The following PIKFYVE variants were observed in gnomAD, a reference collection of about 807,000 sequenced individuals.
PIKFYVE encodes the protein 1-phosphatidylinositol 3-phosphate 5-kinase.
PIKFYVE carries 122 observed loss-of-function variants against 257.9 expected under a neutral mutation model. That is an observed-to-expected ratio of 0.47 (90% confidence interval 0.41 to 0.55). The LOEUF is 0.55. PIKFYVE is among the 20% of genes least tolerant of loss of function. The pLI is 0.00. For synonymous variants in PIKFYVE, 892 were observed against 868.9 expected (o/e 1.03, Z -0.47); for missense variants, 2,160 against 2,536.6 (o/e 0.85, Z 3.19).
intron 7 of PIKFYVE, among the ~76,000 whole-genome samples, chr2:208,296,148 G>A (rs1393269333): frequency 1.3e-5 from 2 of 152,034 alleles, no homozygotes; most frequent in South Asian, 2.1e-4. Flanking sequence ...GGGATTACAG[G>A]CACCTGCTAG....
At chr2:208,324,769 A>G (rs1238558617) in intron 18 of PIKFYVE, 142 bp from the exon 19 acceptor site, 4 of 1,012,178 alleles carry the variant, frequency 4.0e-6, no homozygotes, top group Non-Finnish European at 5.8e-6. Context: ...AAGAATCCAG[A>G]ATAAAAAAAT....
At chr2:208,347,088 C>T (rs905246426) in intron 34 of PIKFYVE, among the ~76,000 whole-genome samples, 1 of 152,032 alleles carries the variant, frequency 6.6e-6, no homozygotes. Context: ...AGTTACACAC[C>T]CCACCCCGCT....
At chr2:208,282,085 A>T (rs747751095) in intron 5 of PIKFYVE, among the ~76,000 whole-genome samples, 115 of 152,308 alleles carry the variant, frequency 7.6e-4, no homozygotes, top group Non-Finnish European at 1.2e-3. Context: ...TGTTAGCTTG[A>T]CAAAACCATT....
At chr2:208,289,578 C>G (rs534573400) in intron 7 of PIKFYVE, among the ~76,000 whole-genome samples, 1 of 152,182 alleles carries the variant, frequency 6.6e-6, no homozygotes, top group Admixed American at 6.5e-5. Context: ...TACAGGCGCC[C>G]ATCACCATGC....
intron 27 of PIKFYVE, 31 bp from the exon 28 acceptor site, chr2:208,336,807 A>G: frequency 7.0e-7 from 1 of 1,429,822 alleles, no homozygotes; most frequent in Non-Finnish European, 9.9e-7. Context: ...AACAAACCAT[A>G]TATATATATA....
At chr2:208,348,732 C>G (rs763934912) in intron 35 of PIKFYVE, among the ~76,000 whole-genome samples, 1 of 151,142 alleles carries the variant, frequency 6.6e-6, no homozygotes, top group Non-Finnish European at 1.5e-5. Context: ...GGAAACAGAC[C>G]CATTCATTTA....
At chr2:208,302,538 T>C in intron 10 of PIKFYVE, 185 bp downstream of exon 10, 1 of 593,868 alleles carries the variant, frequency 1.7e-6, no homozygotes, top group Non-Finnish European at 3.0e-6. Flanking sequence ...GCCATTAGAA[T>C]CAAACATTTT....
At position 208,288,520 on chromosome 2, in the gene PIKFYVE, C is replaced by T. The variant is rs149203405; in HGVS notation, c.822-209C>T. On this transcript the variant is annotated intron_variant, in intron 6 of 41. Transcript: ENST00000264380. Reference sequence around the variant, plus strand: ...ATACTTAAAAACTTTTTAAAATTGTCATTTCGGCATTTTATATTCTTAAAA... The same window carrying T: ...ATACTTAAAAACTTTTTAAAATTGTTATTTCGGCATTTTATATTCTTAAAA... 5.3e-5 allele frequency among the ~76,000 whole-genome samples: 8 copies of T among 152,272 alleles called. No individual in the cohort carries two copies. In the East Asian group the frequency reaches 1.5e-3, roughly 29 times the overall value.
At position 208,353,977 on chromosome 2, in the gene PIKFYVE, T is replaced by C; in HGVS notation, c.5924T>C (p.Leu1975Pro). The change falls in exon 40 of 42, where the codon CTA (leucine) becomes CCA (proline). Residue 1975 changes from leucine to proline, a missense_variant. Leu to Pro is a moderately conservative substitution (Grantham distance 98, BLOSUM62 -3). Around this residue, in one of 12 missense-constraint regions of PIKFYVE, gnomAD observed 699 missense variants for 855.8 expected, o/e 0.82. Transcript: ENST00000264380. The part of the protein sequence containing the change: ...TGKESCDVVL[L>P]DENLLKMVRD... Reference sequence around the variant, plus strand: ...AAAGAGAGTTGTGATGTGGTCCTGCTAGATGAAAATCTCCTAAAGATGGTT... The same window carrying C: ...AAAGAGAGTTGTGATGTGGTCCTGCCAGATGAAAATCTCCTAAAGATGGTT... 1 of 1,614,118 alleles carries C rather than the reference T, an allele frequency of 6.2e-7. No individual in the cohort carries two copies. The highest frequency in any genetic ancestry group is 8.5e-7 in the Non-Finnish European group (1 of 1,179,970).
At chr2:208,298,591 A>G in intron 7 of PIKFYVE, 50 bp from the exon 8 acceptor site, 4 of 1,602,144 alleles carry the variant, frequency 2.5e-6, no homozygotes, top group Non-Finnish European at 3.4e-6. Flanking sequence ...AATTCTGTTT[A>G]TTGAAGAAGA....
At chr2:208,348,113 T>C in intron 35 of PIKFYVE, 90 bp downstream of exon 35, 1 of 1,499,920 alleles carries the variant, frequency 6.7e-7, no homozygotes, top group Non-Finnish European at 9.2e-7. Flanking sequence ...AATAGATAAT[T>C]CTTAGTGCTG....
chr2:208,346,545 C>T (rs1699251370), intron 34 of PIKFYVE, among the ~76,000 whole-genome samples: 1 of 152,054 alleles, frequency 6.6e-6, no homozygotes, highest in Non-Finnish European at 1.5e-5. Flanking sequence ...CCCTAGTAAC[C>T]ACATAAGAAT....
chr2:208,343,357 G>A (rs985780112), intron 32 of PIKFYVE, among the ~76,000 whole-genome samples: 1 of 151,954 alleles, frequency 6.6e-6, no homozygotes. Context: ...CCCTACATAC[G>A]AGGTAAAATT....
Position 208,285,878 on chromosome 2 carries a change from G to T in PIKFYVE, c.766G>T (p.Gly256Trp). Residue 256 changes from glycine to tryptophan, a missense_variant, in exon 6 of 42, where the codon GGG becomes TGG. Physicochemically the swap from Gly to Trp is radical, Grantham distance 184. Coordinates refer to ENST00000264380, the MANE Select transcript of PIKFYVE (RefSeq NM_015040.4). ...TCCAAGTGAACCCCGAACACCTGTT[G>T]GGAGTAGGAAAGCCAGCCGTAACAT... is the stretch of plus-strand genomic sequence containing the variant. Reference protein sequence around the residue: ...LDPSEPRTPVGSRKASRNIFL... With the variant: ...LDPSEPRTPVWSRKASRNIFL... The T allele has an allele frequency of 6.2e-7, 1 of 1,614,120 alleles. No individual in the cohort carries two copies.
intron 10 of PIKFYVE, among the ~76,000 whole-genome samples, chr2:208,303,298 C>CAG (rs896575198): frequency 2.0e-5 from 3 of 150,844 alleles, no homozygotes; most frequent in African/African-American, 7.4e-5. Context: ...CACACACACA[C>CAG]ACATATATAT....
rs774938841 is a variant in PIKFYVE, at chr2:208,330,504, G to T, written c.3792-19G>T. On this transcript the variant is annotated intron_variant, in intron 22 of 41. Transcript: ENST00000264380. The stretch of plus-strand genomic sequence containing the variant: ...CTGTTTCATGCTTAATGTGAGAAGG[G>T]CTCTTTTGTTTGTCAAAGGCCTTCT... 3.7e-6 allele frequency: 6 copies of T among 1,613,658 alleles called. No homozygotes were observed. Among genetic ancestry groups the T allele is most frequent in the Admixed American group, 1.7e-5 (1 of 59,980 alleles).
chr2:208,297,167 C>G (rs1266586696), intron 7 of PIKFYVE, among the ~76,000 whole-genome samples: 1 of 152,100 alleles, frequency 6.6e-6, no homozygotes, highest in African/African-American at 2.4e-5. Context: ...AATCAGTATT[C>G]TTGCTACTAG....
intron 15 of PIKFYVE, among the ~76,000 whole-genome samples, chr2:208,315,824 T>G (rs6724208): frequency 0.75 from 112,298 of 150,020 alleles, 43,948 homozygotes; most frequent in East Asian, 0.93. Flanking sequence ...CTTAAAACAT[T>G]ATGACATTTT....
intron 8 of PIKFYVE, 124 bp from the exon 9 acceptor site, chr2:208,300,813 T>A: frequency 8.8e-7 from 1 of 1,142,192 alleles, no homozygotes; most frequent in Non-Finnish European, 1.3e-6. Context: ...ATTGTGTGAG[T>A]TAGCTACCAT....
Sources: gnomAD v4.1 joint callset for allele counts (sites outside exome capture counted in the v4.1 genomes callset) on GRCh38, gnomAD v4.1.1 for gene constraint, gnomAD v4.1.1 regional missense constraint, MANE v1.5 for transcripts, NCBI Gene and HGNC (gene_info 2026-07-23, HGNC 2026-07-21) for gene names.